ANXA8: variants seen among roughly 807,000 people sequenced by gnomAD.
ANXA8 encodes annexin A8, also known as VAC-beta.
Under a neutral mutation model 26.8 loss-of-function variants are expected in ANXA8, and 9 were observed. That is an observed-to-expected ratio of 0.34 (90% CI 0.20 to 0.59). ANXA8 has a LOEUF of 0.59. Among genes scored for constraint, ANXA8 ranks in the 20% least tolerant of loss-of-function variants. The probability of loss-of-function intolerance (pLI) is 0.84; values close to 1 mark genes in which losing one functional copy is unlikely to be tolerated. For synonymous variants in ANXA8, 39 were observed against 94.8 expected (o/e 0.41, Z 3.42); for missense variants, 83 against 238.5 (o/e 0.35, Z 4.29).
chr10:47,667,589 G>A, the ANXA8 span, among the ~76,000 whole-genome samples: 11 of 151,732 alleles, frequency 7.2e-5, no homozygotes, highest in Non-Finnish European at 1.3e-4. Flanking sequence ...TCCCACTCTC[G>A]CCCAGGCTGG....
At chr10:47,888,982 ATGTG>A in the ANXA8 span, among the ~76,000 whole-genome samples, 2,792 of 101,986 alleles carry the variant, frequency 0.027, 310 homozygotes, top group African/African-American at 0.066. Flanking sequence ...TATAATATAT[ATGTG>A]TGTGTGTGTG....
chr10:47,958,875 C>T, the ANXA8 span, among the ~76,000 whole-genome samples: 19 of 150,024 alleles, frequency 1.3e-4, no homozygotes, highest in South Asian at 2.5e-3. Flanking sequence ...TGGGGGAAAC[C>T]GCCCCCATTA....
the ANXA8 span, among the ~76,000 whole-genome samples, chr10:47,664,426 G>A: frequency 6.6e-6 from 1 of 151,534 alleles, no homozygotes; most frequent in Admixed American, 6.6e-5. Flanking sequence ...AAATTAGCTG[G>A]GTGTGGTGGC....
the ANXA8 span, chr10:47,502,179 G>C: frequency 1.3e-6 from 2 of 1,547,678 alleles, no homozygotes; most frequent in Non-Finnish European, 1.7e-6. Context: ...TGGGCATCTC[G>C]GGCCATGACG....
the ANXA8 span, among the ~76,000 whole-genome samples, chr10:47,535,584 A>T: frequency 6.8e-6 from 1 of 147,642 alleles, no homozygotes; most frequent in Non-Finnish European, 1.5e-5. Context: ...TTTTTTTTTT[A>T]AATGGGTATA....
chr10:47,557,161 C>A, the ANXA8 span, among the ~76,000 whole-genome samples: 1 of 135,558 alleles, frequency 7.4e-6, no homozygotes. Flanking sequence ...CGTGCACCAC[C>A]ACGCCCAGCT....
At chr10:47,646,988 T>G in the ANXA8 span, among the ~76,000 whole-genome samples, 1 of 152,180 alleles carries the variant, frequency 6.6e-6, no homozygotes, top group Admixed American at 6.5e-5. Flanking sequence ...TTAGTGGTGT[T>G]GAATATTTCC....
At chr10:47,488,967 A>G (rs1840097498), upstream of ANXA8, among the ~76,000 whole-genome samples, 2 of 148,062 alleles carry the variant, frequency 1.4e-5, no homozygotes, top group East Asian at 2.1e-4. Flanking sequence ...CGCCCACCTC[A>G]GCCTCCCAAA....
At chr10:47,535,145 T>C in the ANXA8 span, among the ~76,000 whole-genome samples, 1 of 131,484 alleles carries the variant, frequency 7.6e-6, no homozygotes, top group Admixed American at 7.5e-5. Context: ...AGCTAACTTT[T>C]GTATTTTTAG....
the ANXA8 span, among the ~76,000 whole-genome samples, chr10:47,957,425 T>G: frequency 6.6e-6 from 1 of 150,534 alleles, no homozygotes; most frequent in Non-Finnish European, 1.5e-5. Flanking sequence ...GACCTCCTGC[T>G]GGCCTCCAGG....
chr10:47,748,905 AT>A, the ANXA8 span, among the ~76,000 whole-genome samples: 1 of 139,928 alleles, frequency 7.1e-6, no homozygotes, highest in African/African-American at 2.7e-5. Flanking sequence ...TATTCACAAA[AT>A]ATACTTAAAA....
At chr10:47,769,100 G>A in the ANXA8 span, among the ~76,000 whole-genome samples, 1 of 143,830 alleles carries the variant, frequency 7.0e-6, no homozygotes, top group East Asian at 2.1e-4. Flanking sequence ...AGTAGGAGGT[G>A]AACTTTCTAG....
chr10:47,709,447 C>T, the ANXA8 span, among the ~76,000 whole-genome samples: 1 of 150,708 alleles, frequency 6.6e-6, no homozygotes, highest in Admixed American at 6.6e-5. Context: ...AACTCATCAG[C>T]CTGTACATTT....
the ANXA8 span, among the ~76,000 whole-genome samples, chr10:47,689,279 A>C: frequency 6.6e-6 from 1 of 151,534 alleles, no homozygotes; most frequent in Non-Finnish European, 1.5e-5. Context: ...TCCTGGGTTC[A>C]AGTGATTCTT....
the ANXA8 span, among the ~76,000 whole-genome samples, chr10:47,738,315 A>G: frequency 7.2e-6 from 1 of 139,712 alleles, no homozygotes; most frequent in Non-Finnish European, 1.5e-5. Flanking sequence ...CCTCACCAGC[A>G]CTTTTTATTA....
At chr10:47,957,714 C>T in the ANXA8 span, among the ~76,000 whole-genome samples, 1 of 149,018 alleles carries the variant, frequency 6.7e-6, no homozygotes, top group East Asian at 2.1e-4. Context: ...ACTTAGGCTC[C>T]AGGCAAGGTT....
the ANXA8 span, among the ~76,000 whole-genome samples, chr10:47,948,641 C>T: frequency 6.7e-6 from 1 of 149,130 alleles, no homozygotes; most frequent in African/African-American, 2.5e-5. Context: ...ATATGGATCA[C>T]ATACTTGTAA....
the ANXA8 span, among the ~76,000 whole-genome samples, chr10:47,643,507 T>C: frequency 6.7e-6 from 1 of 148,176 alleles, no homozygotes; most frequent in Non-Finnish European, 1.5e-5. Flanking sequence ...CGAAACTCGG[T>C]GACAGAGCGA....
chr10:47,533,331 T>A, the ANXA8 span, among the ~76,000 whole-genome samples: 15 of 150,132 alleles, frequency 1.0e-4, no homozygotes, highest in Non-Finnish European at 1.8e-4. Context: ...GAGCCCCTTA[T>A]CAGATGGCCA....
Sources: gnomAD v4.1 joint callset for allele counts (sites outside exome capture counted in the v4.1 genomes callset) on GRCh38, gnomAD v4.1.1 for gene constraint, MANE v1.5 for transcripts, NCBI Gene and HGNC (gene_info 2026-07-23, HGNC 2026-07-21) for gene names.